The following URGCP variants were observed in gnomAD, a reference collection of about 807,000 sequenced individuals.
URGCP encodes upregulator of cell proliferation.
In URGCP, 13 loss-of-function variants were observed where a neutral mutation model predicts 24.6. The observed-to-expected ratio is 0.53, with a 90% CI of 0.34 to 0.84. The LOEUF is 0.84. URGCP is among the 40% of genes least tolerant of loss of function. The probability of loss-of-function intolerance (pLI) is 0.01; values close to 1 mark genes in which losing one functional copy is unlikely to be tolerated. For synonymous variants in URGCP, 444 were observed against 487.2 expected, an observed-to-expected ratio of 0.91 and a Z score of 1.17; for missense variants, 899 against 1,194.3, an observed-to-expected ratio of 0.75 and a Z score of 3.64.
chr7:43,912,711 G>C (rs1046253410), intron 1 of URGCP, among the ~76,000 whole-genome samples: 1 of 152,102 alleles, frequency 6.6e-6, no homozygotes, highest in Non-Finnish European at 1.5e-5. Flanking sequence ...AACATAGGAT[G>C]TCTTTCCTTT....
chr7:43,877,634 G>A lies in URGCP; in HGVS notation c.1829C>T (p.Pro610Leu). 1.2e-6 allele frequency: 2 copies of A among 1,614,140 alleles called. No homozygotes were observed. Among genetic ancestry groups the A allele is most frequent in the Non-Finnish European group, 1.7e-6 (2 of 1,180,042 alleles). The change falls in exon 6 of 6, where the codon CCC becomes CTC. Residue 610 changes from proline to leucine, a missense_variant. Transcript: ENST00000453200. ...CCGCAAGAAGTGTTCCACCCCTAGG[G>A]GCTCAGGCCAGAGCGGCTCCCCCAC... ...TDVGEPLWPE[P>L]LGVEHFLREM... is the part of the protein sequence containing the mutation.
intron 1 of URGCP, among the ~76,000 whole-genome samples, chr7:43,893,831 A>G (rs1453977764): frequency 6.6e-6 from 1 of 152,206 alleles, no homozygotes; most frequent in Non-Finnish European, 1.5e-5. Flanking sequence ...AGATCGCACC[A>G]CTGCACTCCA....
intron 1 of URGCP, among the ~76,000 whole-genome samples, chr7:43,897,465 G>A (rs2095880755): frequency 6.6e-6 from 1 of 152,200 alleles, no homozygotes; most frequent in Non-Finnish European, 1.5e-5. Context: ...CCAACAGGGA[G>A]GCCCGAGTGG....
chr7:43,883,014 G>A lies in URGCP; in HGVS notation c.113-1057C>T, dbSNP rs144237318. On this transcript the variant is annotated intron_variant, in intron 3 of 5. Coordinates refer to ENST00000453200, the MANE Select transcript of URGCP (RefSeq NM_001077663.3). ...GCACAAATACACAGAGGTGAGGTGC[G>A]GGGGGAGAGACAGTGGGGAAGAGTT... Among the ~76,000 whole-genome samples, 947 of 152,102 alleles carry A rather than the reference G, an allele frequency of 6.2e-3. 12 individuals carry two copies. The highest frequency in any genetic ancestry group is 0.021 in the African/African-American group (865 of 41,476).
intron 1 of URGCP, among the ~76,000 whole-genome samples, chr7:43,911,937 G>A (rs570510007): frequency 5.9e-5 from 9 of 152,018 alleles, no homozygotes; most frequent in African/African-American, 2.2e-4. Flanking sequence ...TGACAAATGT[G>A]TGGAAATTAA....
intron 1 of URGCP, chr7:43,888,623 C>T (rs1035506979): frequency 1.3e-5 from 2 of 152,024 alleles, no homozygotes; most frequent in African/African-American, 4.8e-5. Context: ...GACATACAAA[C>T]ATAGAATGGA....
At chr7:43,898,596 A>C (rs2095883146) in intron 1 of URGCP, among the ~76,000 whole-genome samples, 1 of 151,656 alleles carries the variant, frequency 6.6e-6, no homozygotes, top group South Asian at 2.1e-4. Context: ...GTGAAACCCC[A>C]CTCTACAGAA....
At position 43,876,452 on chromosome 7, in the gene URGCP, G is replaced by A; in HGVS notation, c.*215C>T. The A allele has an allele frequency of 3.4e-6, 2 of 588,030 alleles. No homozygotes were observed. Among genetic ancestry groups the A allele is most frequent in the Non-Finnish European group, 6.0e-6 (2 of 334,278 alleles). The allele number at this position is 588,030 out of a possible 1,614,324, so 36.4% of individuals were successfully genotyped here. A position where few individuals can be genotyped will look rare whatever the true frequency, so the allele number is the denominator to read the frequency against. ...TGCTTGTCTCCCTACCCTGGGGGCT[G>A]TGATATTCTTGGTAACATCTCTGAG... On this transcript the variant is annotated 3_prime_UTR_variant, in exon 6 of 6. Coordinates refer to ENST00000453200, the MANE Select transcript of URGCP (RefSeq NM_001077663.3).
In URGCP at chr7:43,877,069, A is replaced by G. The variant is rs2095845761; in HGVS notation, c.2394T>C (p.Ala798=). ...CTAACCTCAGAAATGCATGCAGAAT[A>G]GCTGCTGGAATGTCCTTGGTTTCAG... The part of the protein sequence containing the change: ...SLAETKDIPA[A]ILHAFLRLEK... Residue 798 remains alanine (A), a synonymous_variant, in exon 6 of 6, where the codon GCT becomes GCC. Transcript: ENST00000453200. 6.2e-7 allele frequency: 1 copy of G among 1,614,116 alleles called. No individual in the cohort carries two copies. The highest frequency in any genetic ancestry group is 8.5e-7 in the Non-Finnish European group (1 of 1,180,038).
rs578058083 is a variant in URGCP, at chr7:43,914,000, A to G, written c.-116+12132T>C. ...AGGTGTGAGCCACTGCACCTGGCCTATTTTATTTGTTTTTTTATAGAGACT... is the reference window on the plus strand; with the variant it reads ...AGGTGTGAGCCACTGCACCTGGCCTGTTTTATTTGTTTTTTTATAGAGACT... On this transcript the variant is annotated intron_variant, in intron 1 of 5. Coordinates refer to the URGCP transcript ENST00000426198. Among the ~76,000 whole-genome samples the G allele has an allele frequency of 7.2e-5, 11 of 151,900 alleles. 1 individual carries two copies. The highest frequency in any genetic ancestry group is 2.7e-4 in the African/African-American group (11 of 41,418).
chr7:43,887,922 G>T, intron 1 of URGCP, 106 bp from the exon 2 acceptor site: 1 of 712,744 alleles, frequency 1.4e-6, no homozygotes, highest in South Asian at 1.9e-5. Flanking sequence ...ACGGAATTAT[G>T]GTCAAATTCT....
At chr7:43,894,528 A>G (rs186637523) in intron 1 of URGCP, among the ~76,000 whole-genome samples, 3 of 151,696 alleles carry the variant, frequency 2.0e-5, no homozygotes, top group Admixed American at 2.0e-4. Context: ...AATTATTATT[A>G]TTTTTTATTT....
intron 1 of URGCP, among the ~76,000 whole-genome samples, chr7:43,890,981 C>T (rs1350026475): frequency 2.0e-5 from 3 of 152,228 alleles, no homozygotes; most frequent in African/African-American, 7.2e-5. Flanking sequence ...TTTTTCATTT[C>T]CTTCTTTTTT....
intron 1 of URGCP, chr7:43,918,858 G>A: frequency 1.4e-6 from 2 of 1,388,536 alleles, no homozygotes; most frequent in Non-Finnish European, 2.1e-6. Context: ...TTTCTACCAG[G>A]CAGACGATGA....
chr7:43,889,038 G>A (rs971923781), intron 1 of URGCP: 5 of 152,236 alleles, frequency 3.3e-5, no homozygotes, highest in African/African-American at 1.2e-4. Context: ...AGGACAATGT[G>A]AGCACAAACA....
intron 1 of URGCP, among the ~76,000 whole-genome samples, chr7:43,901,297 G>T (rs142492291): frequency 6.6e-6 from 1 of 152,310 alleles, no homozygotes; most frequent in African/African-American, 2.4e-5. Context: ...CCCATGGAGA[G>T]GTCAACGGCA....
chr7:43,877,885 A>C lies in URGCP; in HGVS notation c.1578T>G (p.Ala526=). Residue 526 remains alanine, a synonymous_variant, in exon 6 of 6, where the codon GCT becomes GCG. Coordinates refer to ENST00000453200, the MANE Select transcript of URGCP (RefSeq NM_001077663.3). ...WAVDPPEKHR[A]ELRRRLLELR... ...GTTCTAGCAGCCGCCGCCTCAGCTC[A>C]GCCCTGTGCTTCTCAGGGGGGTCCA... 6.2e-7 allele frequency: 1 copy of C among 1,613,682 alleles called. No individual in the cohort carries two copies. Among genetic ancestry groups the C allele is most frequent in the Non-Finnish European group, 8.5e-7 (1 of 1,179,848 alleles).
upstream of URGCP, among the ~76,000 whole-genome samples, chr7:43,909,792 C>T (rs2095908020): frequency 6.6e-6 from 1 of 152,030 alleles, no homozygotes; most frequent in Admixed American, 6.5e-5. Flanking sequence ...CCTGTAATCC[C>T]AGCACTTTGG....
intron 1 of URGCP, among the ~76,000 whole-genome samples, chr7:43,912,623 TA>T (rs2095911195): frequency 6.6e-6 from 1 of 152,244 alleles, no homozygotes. Context: ...GAGATTTTGA[TA>T]GGGATTACAT....
Sources: gnomAD v4.1 joint callset for allele counts (sites outside exome capture counted in the v4.1 genomes callset) on GRCh38, gnomAD v4.1.1 for gene constraint, MANE v1.5 for transcripts, NCBI Gene and HGNC (gene_info 2026-07-23, HGNC 2026-07-21) for gene names.